Variants in EFCAB13 observed in about 807,000 individuals in gnomAD.
EFCAB13 encodes the protein EF-hand calcium binding domain 13.
In EFCAB13, 91 loss-of-function variants were observed where a neutral mutation model predicts 110.2. The observed-to-expected ratio is 0.83, with a 90% CI of 0.70 to 0.98. EFCAB13 has a LOEUF of 0.98. EFCAB13 is among the 50% of genes least tolerant of loss of function. The pLI is 0.00. For missense variants in EFCAB13, 968 were observed against 1,119.4 expected, an observed-to-expected ratio of 0.86 and a Z score of 1.93; for synonymous variants, 323 against 369.9, an observed-to-expected ratio of 0.87 and a Z score of 1.45.
chr17:47,342,085 C>A, intron 6 of EFCAB13, 53 bp downstream of exon 6: 2 of 1,021,728 alleles, frequency 2.0e-6, no homozygotes, highest in East Asian at 2.6e-5. Context: ...TTCCTTAGCC[C>A]TCAAACATTC....
intron 3 of EFCAB13, 113 bp downstream of exon 3, chr17:47,326,500 C>A (rs927835337): frequency 6.6e-6 from 1 of 152,076 alleles, no homozygotes. Flanking sequence ...TATATATATA[C>A]CATTGTATTT....
At chr17:47,358,290 A>G (rs886601857) in intron 9 of EFCAB13, among the ~76,000 whole-genome samples, 2 of 152,222 alleles carry the variant, frequency 1.3e-5, no homozygotes, top group African/African-American at 2.4e-5. Flanking sequence ...AAGATCAAGC[A>G]TACAGTTAGA....
chr17:47,351,305 G>GTGTGTGTGTGTGTGTGTGCA (rs748940130), intron 9 of EFCAB13, among the ~76,000 whole-genome samples: 1 of 113,176 alleles, frequency 8.8e-6, no homozygotes, highest in Non-Finnish European at 1.9e-5. Context: ...GTGTGTGTGT[G>GTGTGTGTGTGTGTGTGTGCA]CGCGCGCGCG....
chr17:47,360,768 T>G (rs1462297357), intron 9 of EFCAB13, among the ~76,000 whole-genome samples: 2 of 152,166 alleles, frequency 1.3e-5, no homozygotes, highest in East Asian at 3.8e-4. Flanking sequence ...GGTCTAACGT[T>G]TAAGTCTTTA....
At chr17:47,350,716 G>T (rs2065444943) in intron 9 of EFCAB13, among the ~76,000 whole-genome samples, 1 of 151,646 alleles carries the variant, frequency 6.6e-6, no homozygotes, top group Non-Finnish European at 1.5e-5. Context: ...GATACTTATG[G>T]GTCTCCTAGT....
chr17:47,400,449 A>G (rs1319883174), intron 17 of EFCAB13, among the ~76,000 whole-genome samples: 2 of 152,216 alleles, frequency 1.3e-5, no homozygotes, highest in African/African-American at 4.8e-5. Flanking sequence ...GTATGAACCT[A>G]AGGATCAAAT....
At chr17:47,399,549 A>C (rs924945541) in intron 17 of EFCAB13, among the ~76,000 whole-genome samples, 16 of 152,072 alleles carry the variant, frequency 1.1e-4, no homozygotes, top group Admixed American at 5.2e-4. Context: ...GACCAAGTGA[A>C]CTGCTGAAAC....
intron 10 of EFCAB13, among the ~76,000 whole-genome samples, chr17:47,370,099 A>G (rs1188970439): frequency 6.6e-6 from 1 of 152,320 alleles, no homozygotes; most frequent in Non-Finnish European, 1.5e-5. Flanking sequence ...GGAGTTCACA[A>G]TCTAGAAATG....
chr17:47,347,320 T>G (rs371782886), intron 8 of EFCAB13, among the ~76,000 whole-genome samples: 1 of 152,308 alleles, frequency 6.6e-6, no homozygotes, highest in South Asian at 2.1e-4. Context: ...ATTGCCTCTT[T>G]TCTGAAAATA....
Position 47,374,472 on chromosome 17 carries a change from C to T in EFCAB13, c.878C>T (p.Ser293Leu). 2.0e-6 allele frequency: 3 copies of T among 1,482,186 alleles called. No individual in the cohort carries two copies. Among genetic ancestry groups the T allele is most frequent in the Non-Finnish European group, 2.7e-6 (3 of 1,114,162 alleles). 91.8% of individuals were successfully genotyped at this position (1,482,186 alleles called of 1,614,324 possible). Residue 293 changes from serine to leucine, a missense_variant and splice_region_variant, in exon 12 of 25, where the codon TCA (serine) becomes TTA (leucine). Transcript: ENST00000331493. ...NELQEQYEDV[S>L]ITEGSPLNEI... Reference sequence around the variant, plus strand: ...ATAATTGTATATTTCTCTTATTTAGCAATTACAGAAGGATCACCTTTGAAT... The same window carrying T: ...ATAATTGTATATTTCTCTTATTTAGTAATTACAGAAGGATCACCTTTGAAT...
At position 47,424,443 on chromosome 17, in the gene EFCAB13, A is replaced by C. The variant is rs9909843; in HGVS notation, c.2495-5375A>C. ...GAAGGAGAACTCACTTCAGCAGAATAATGATGATGAAAACAAAATAGCAGA... is the reference window on the plus strand; with the variant it reads ...GAAGGAGAACTCACTTCAGCAGAATCATGATGATGAAAACAAAATAGCAGA... On this transcript the variant is annotated intron_variant, in intron 23 of 24. Transcript: ENST00000331493. 4.8e-3 allele frequency among the ~76,000 whole-genome samples: 728 copies of C among 152,350 alleles called. 7 individuals are homozygous for C. Among genetic ancestry groups the C allele is most frequent in the African/African-American group, 0.017 (707 of 41,590 alleles).
intron 24 of EFCAB13, among the ~76,000 whole-genome samples, chr17:47,435,228 A>G (rs1369027093): frequency 6.6e-6 from 1 of 152,180 alleles, no homozygotes; most frequent in Non-Finnish European, 1.5e-5. Flanking sequence ...AAGGATATGA[A>G]TAGACAGTTC....
At position 47,335,373 on chromosome 17, in the gene EFCAB13, G is replaced by C; in HGVS notation, c.191+17G>C. The stretch of plus-strand genomic sequence containing the variant: ...TAAAAAAATGTAAGTTAAAAACTCT[G>C]AACTTACTTTATTGAATTATACTTT... On this transcript the variant is annotated intron_variant, in intron 5 of 24. Transcript: ENST00000331493. 6.4e-7 allele frequency: 1 copy of C among 1,565,940 alleles called. No homozygotes were observed. Among genetic ancestry groups the C allele is most frequent in the Non-Finnish European group, 8.6e-7 (1 of 1,163,328 alleles).
At chr17:47,334,472 C>T (rs1401387350) in intron 4 of EFCAB13, among the ~76,000 whole-genome samples, 1 of 152,102 alleles carries the variant, frequency 6.6e-6, no homozygotes, top group Non-Finnish European at 1.5e-5. Flanking sequence ...TTTAACTTAT[C>T]GATTATTTCT....
At chr17:47,394,463 C>CAA (rs1162312498) in intron 16 of EFCAB13, among the ~76,000 whole-genome samples, 2 of 152,136 alleles carry the variant, frequency 1.3e-5, no homozygotes, top group African/African-American at 4.8e-5. Context: ...TTTCTGGTTA[C>CAA]ATCTGTCCCC....
At chr17:47,396,519 T>C (rs2065739183) in intron 17 of EFCAB13, among the ~76,000 whole-genome samples, 1 of 152,182 alleles carries the variant, frequency 6.6e-6, no homozygotes, top group African/African-American at 2.4e-5. Flanking sequence ...TTACTGCTCA[T>C]ATTCTACATG....
Position 47,403,874 on chromosome 17 carries a change from A to T in EFCAB13, c.2018-4A>T. The T allele has an allele frequency of 6.3e-7, 1 of 1,585,724 alleles. No homozygotes were observed. Among genetic ancestry groups the T allele is most frequent in the Non-Finnish European group, 8.5e-7 (1 of 1,170,786 alleles). Reference sequence around the variant, plus strand: ...TTATTAATTAACTTTTTTTCTATTTATAGAGTTACAGGAAGTTGTCTTAGC... The same window carrying T: ...TTATTAATTAACTTTTTTTCTATTTTTAGAGTTACAGGAAGTTGTCTTAGC... On this transcript the variant is annotated splice_region_variant and splice_polypyrimidine_tract_variant and intron_variant, in intron 18 of 24. Coordinates refer to ENST00000331493, the MANE Select transcript of EFCAB13 (RefSeq NM_152347.5).
rs376382222 is a variant in EFCAB13, at chr17:47,335,182, C to T, written c.31-14C>T. ...AAAGAGGACATGCTTGATTGTGGCT[C>T]TTATATTCCCCAGGCAGAGGAAAAT... is the stretch of plus-strand genomic sequence containing the variant. On this transcript the variant is annotated splice_polypyrimidine_tract_variant and intron_variant, in intron 4 of 24. Coordinates refer to ENST00000331493, the MANE Select transcript of EFCAB13 (RefSeq NM_152347.5). 2.5e-6 allele frequency: 4 copies of T among 1,579,664 alleles called. No individual in the cohort carries two copies. Among genetic ancestry groups the T allele is most frequent in the Non-Finnish European group, 2.6e-6 (3 of 1,167,876 alleles).
chr17:47,359,467 C>T (rs1448934779), intron 9 of EFCAB13, among the ~76,000 whole-genome samples: 4 of 149,720 alleles, frequency 2.7e-5, no homozygotes, highest in Non-Finnish European at 5.9e-5. Context: ...TCAAGAAAAT[C>T]TAGTCTGACT....
Sources: allele counts gnomAD v4.1 joint callset (sites outside exome capture counted in the v4.1 genomes callset), GRCh38; gene constraint gnomAD v4.1.1; transcripts MANE v1.5; gene names NCBI Gene and HGNC (gene_info 2026-07-23, HGNC 2026-07-21).